Variants in PRAC2 observed in about 807,000 individuals in gnomAD.
The protein encoded by PRAC2 is protein PRAC2.
For missense variants in PRAC2, 92 were observed against 114.5 expected, an observed-to-expected ratio of 0.80 and a Z score of 0.90; for synonymous variants, 43 against 49.5, an observed-to-expected ratio of 0.87 and a Z score of 0.55.
At chr17:48,722,024 G>T, upstream of PRAC2, 1 of 1,126,048 alleles carries the variant, frequency 8.9e-7, no homozygotes, top group South Asian at 1.8e-5. Context: ...CCTTACAGCG[G>T]GTGCTAGTTC....
chr17:48,721,766 G>A, upstream of PRAC2: 1 of 1,468,468 alleles, frequency 6.8e-7, no homozygotes, highest in South Asian at 1.4e-5. Context: ...ACAGCGTCTT[G>A]CTACATTGCC....
chr17:48,723,442 C>T (rs1045656007), intron 1 of PRAC2, 129 bp downstream of exon 1: 1 of 360,404 alleles, frequency 2.8e-6, no homozygotes, highest in East Asian at 4.1e-5. Context: ...TTAGCACCTT[C>T]AATATAACTT....
At chr17:48,721,415 TC>T (rs2038143784), upstream of PRAC2, among the ~76,000 whole-genome samples, 2 of 152,200 alleles carry the variant, frequency 1.3e-5, no homozygotes, top group Admixed American at 1.3e-4. Flanking sequence ...AACCTCCACC[TC>T]CCAGGTTCGA....
At chr17:48,719,212 AACACACAC>A (rs3060082), upstream of PRAC2, among the ~76,000 whole-genome samples, 2,797 of 140,994 alleles carry the variant, frequency 0.02, 89 homozygotes, top group African/African-American at 0.062. Context: ...CTCGCACACA[AACACACAC>A]ACACACACAC....
upstream of PRAC2, among the ~76,000 whole-genome samples, chr17:48,721,009 C>T (rs1236326118): frequency 2.6e-5 from 4 of 152,168 alleles, no homozygotes; most frequent in Non-Finnish European, 5.9e-5. Context: ...AAAGTGCTCA[C>T]TCAATTGTGG....
At chr17:48,719,243 A>G (rs1016899960), upstream of PRAC2, among the ~76,000 whole-genome samples, 1 of 151,038 alleles carries the variant, frequency 6.6e-6, no homozygotes, top group South Asian at 2.1e-4. Flanking sequence ...ACACACACAC[A>G]CGCACACGCA....
upstream of PRAC2, among the ~76,000 whole-genome samples, chr17:48,720,077 A>T (rs8075822): frequency 0.48 from 73,181 of 151,968 alleles, 18,136 homozygotes; most frequent in Middle Eastern, 0.61. Flanking sequence ...CCACCTAGAG[A>T]TGGGGAGCTG....
upstream of PRAC2, among the ~76,000 whole-genome samples, chr17:48,720,432 G>A (rs1421066861): frequency 6.6e-6 from 1 of 152,090 alleles, no homozygotes; most frequent in Non-Finnish European, 1.5e-5. Context: ...TCTTCTCCAG[G>A]GAAGACTCCC....
chr17:48,719,716 T>C (rs116301274), upstream of PRAC2, among the ~76,000 whole-genome samples: 338 of 152,340 alleles, frequency 2.2e-3, 2 homozygotes, highest in African/African-American at 7.8e-3. Flanking sequence ...CAGAAAAAGT[T>C]ACACCATGTC....
chr17:48,722,226 A>T, upstream of PRAC2: 1 of 1,113,752 alleles, frequency 9.0e-7, no homozygotes, highest in South Asian at 1.3e-5. Context: ...AAGGCTCCCA[A>T]ATTCCTGGGA....
upstream of PRAC2, chr17:48,721,588 G>T (rs1229275341): frequency 5.1e-6 from 2 of 388,890 alleles, no homozygotes; most frequent in South Asian, 9.6e-5. Context: ...GCCTCCCAAA[G>T]TGCTGGGATT....
chr17:48,719,247 A>ACACACACG (rs2038123181), upstream of PRAC2, among the ~76,000 whole-genome samples: 1 of 151,730 alleles, frequency 6.6e-6, no homozygotes, highest in Non-Finnish European at 1.5e-5. Context: ...ACACACACGC[A>ACACACACG]CACGCAGCAC....
In PRAC2 at chr17:48,723,703, A is replaced by G. The variant is rs993830433; in HGVS notation, c.-84+390A>G. ...CTAGCCAGCCGGAGTAAAACCCGAA[A>G]GATGGAGCCTCAGGTTCGCGCTCTG... On this transcript the variant is annotated intron_variant, in intron 1 of 1. Transcript: ENST00000422730. 28 of 1,231,672 alleles carry G rather than the reference A, an allele frequency of 2.3e-5. No homozygotes were observed. The African/African-American group carries it at 4.2e-4, about 18-fold the overall frequency. The allele number at this position is 1,231,672 out of a possible 1,614,324, so 76.3% of individuals were successfully genotyped here.
At chr17:48,722,141 G>T (rs2038151794), upstream of PRAC2, among the ~76,000 whole-genome samples, 1 of 152,016 alleles carries the variant, frequency 6.6e-6, no homozygotes, top group African/African-American at 2.4e-5. Flanking sequence ...TCCAGGAACC[G>T]CGAGTAGGTG....
intron 1 of PRAC2, chr17:48,723,670 C>T (rs2038171347): frequency 8.1e-7 from 1 of 1,230,130 alleles, no homozygotes; most frequent in South Asian, 4.1e-5. Context: ...GCAGGGTTCC[C>T]GGAAGCGCTA....
chr17:48,720,332 G>C (rs1030701111), upstream of PRAC2, among the ~76,000 whole-genome samples: 1 of 152,192 alleles, frequency 6.6e-6, no homozygotes, highest in Non-Finnish European at 1.5e-5. Flanking sequence ...GTAAGGATCC[G>C]CACCGTCCTT....
upstream of PRAC2, chr17:48,722,361 G>A (rs778844899): frequency 1.2e-6 from 2 of 1,614,208 alleles, no homozygotes; most frequent in Non-Finnish European, 8.5e-7. Context: ...AAGATGGGCC[G>A]GTCCTTGATC....
chr17:48,719,208 CACAA>C (rs775699204), upstream of PRAC2, among the ~76,000 whole-genome samples: 1,688 of 110,356 alleles, frequency 0.015, 7 homozygotes, highest in Middle Eastern at 0.039. Flanking sequence ...CGCGCTCGCA[CACAA>C]ACACACACAC....
At chr17:48,723,836 T>G in intron 1 of PRAC2, 1 of 1,139,982 alleles carries the variant, frequency 8.8e-7, no homozygotes, top group Non-Finnish European at 1.1e-6. Context: ...AAAATCCACT[T>G]GCTTTGGAGT....
Sources: gnomAD v4.1 joint callset for allele counts (sites outside exome capture counted in the v4.1 genomes callset) on GRCh38, gnomAD v4.1.1 for gene constraint, MANE v1.5 for transcripts, NCBI Gene and HGNC (gene_info 2026-07-23, HGNC 2026-07-21) for gene names.